Variants in CACNA2D1 observed in about 807,000 individuals in gnomAD.
The protein encoded by CACNA2D1 is voltage-dependent calcium channel subunit alpha-2/delta-1.
A neutral mutation model predicts 171.5 loss-of-function variants in CACNA2D1; 53 were observed. That is an observed-to-expected ratio of 0.31 (90% CI 0.25 to 0.39). The LOEUF (loss-of-function observed/expected upper bound fraction) is 0.39, where lower values mean the gene tolerates loss of function less well. CACNA2D1 is among the 10% of genes least tolerant of loss of function. The probability of loss-of-function intolerance (pLI) is 1.00; values close to 1 mark genes in which losing one functional copy is unlikely to be tolerated. For missense variants in CACNA2D1, 903 were observed against 1,299.8 expected, an observed-to-expected ratio of 0.69 and a Z score of 4.69; for synonymous variants, 442 against 443.1, an observed-to-expected ratio of 1.00 and a Z score of 0.03.
At chr7:82,042,175 G>T (rs759627234) in intron 10 of CACNA2D1, among the ~76,000 whole-genome samples, 11 of 152,196 alleles carry the variant, frequency 7.2e-5, no homozygotes, top group Admixed American at 2.0e-4. Context: ...ACTCTCCTAG[G>T]AAAGTGATGA....
At chr7:82,170,474 T>G in intron 4 of CACNA2D1, 76 bp downstream of exon 4, 1 of 978,050 alleles carries the variant, frequency 1.0e-6, no homozygotes, top group Non-Finnish European at 1.7e-6. Flanking sequence ...CATTAAAATA[T>G]ATTTTAATAT....
intron 5 of CACNA2D1, among the ~76,000 whole-genome samples, chr7:82,133,065 C>G (rs565779314): frequency 2.0e-5 from 3 of 152,246 alleles, no homozygotes; most frequent in East Asian, 1.9e-4. Context: ...ATAAAGCATT[C>G]TACAAGTAGA....
chr7:82,242,247 G>C (rs1369837542), intron 3 of CACNA2D1, among the ~76,000 whole-genome samples: 1 of 151,470 alleles, frequency 6.6e-6, no homozygotes, highest in African/African-American at 2.4e-5. Context: ...CAGTATAAGG[G>C]AGTGTACAAT....
In CACNA2D1 at chr7:81,959,281, A is replaced by G. The variant is rs754897974; in HGVS notation, c.3153T>C (p.Asn1051=). 1.3e-6 allele frequency: 2 copies of G among 1,599,494 alleles called. No individual in the cohort carries two copies. Among genetic ancestry groups the G allele is most frequent in the Admixed American group, 3.3e-5 (2 of 59,876 alleles). ...RKGPDVCFDN[N]VLEDYTDCGG... ...AGTAGAAGTGTGATCTTACCAAGAC[A>G]TTGTTATCAAAGCAGACATCAGGCC... The change falls in exon 38 of 39, where the codon AAT becomes AAC. Residue 1051 remains asparagine (N), a synonymous_variant. Coordinates refer to ENST00000356860, the MANE Select transcript of CACNA2D1 (RefSeq NM_000722.4).
intron 3 of CACNA2D1, among the ~76,000 whole-genome samples, chr7:82,219,780 T>A (rs564011816): frequency 1.3e-5 from 2 of 152,254 alleles, no homozygotes; most frequent in South Asian, 4.1e-4. Context: ...TCTAAGCACA[T>A]TTCTCATCTA....
Position 82,150,316 on chromosome 7 carries a change from CTT to C in CACNA2D1, c.355-13642_355-13641del, listed in dbSNP as rs1554432590. 3.8e-3 allele frequency among the ~76,000 whole-genome samples: 492 copies of C among 128,486 alleles called. 6 individuals carry two copies. Among genetic ancestry groups the C allele is most frequent in the African/African-American group, 0.013 (473 of 35,176 alleles). 84.3% of individuals were successfully genotyped at this position (128,486 alleles called of 152,430 possible). On this transcript the variant is annotated intron_variant, in intron 4 of 38. Coordinates refer to ENST00000356860, the MANE Select transcript of CACNA2D1 (RefSeq NM_000722.4). ...ACACCCTAGTAGCTGGGTTCATCTACTTTTTTTTTCCCCCCAGTAAGCCATTA... is the reference window on the plus strand; with the variant it reads ...ACACCCTAGTAGCTGGGTTCATCTACTTTTTTTCCCCCCAGTAAGCCATTA...
intron 24 of CACNA2D1, among the ~76,000 whole-genome samples, chr7:81,980,457 C>T (rs972322497): frequency 2.0e-5 from 3 of 152,136 alleles, no homozygotes; most frequent in Middle Eastern, 3.4e-3. Context: ...TTTGATGGTC[C>T]ATAGTTTAGA....
intron 4 of CACNA2D1, among the ~76,000 whole-genome samples, chr7:82,143,465 A>C (rs755725384): frequency 6.6e-6 from 1 of 152,136 alleles, no homozygotes; most frequent in Admixed American, 6.6e-5. Flanking sequence ...TTATAATTTT[A>C]TTTTCTTAGA....
chr7:82,039,119 G>C (rs964861957), intron 10 of CACNA2D1, among the ~76,000 whole-genome samples: 1 of 151,718 alleles, frequency 6.6e-6, no homozygotes, highest in Admixed American at 6.6e-5. Flanking sequence ...TGCAGAATGG[G>C]AATAATAAAA....
chr7:82,298,652 T>C (rs1170690023), intron 3 of CACNA2D1, among the ~76,000 whole-genome samples: 1 of 152,092 alleles, frequency 6.6e-6, no homozygotes, highest in East Asian at 1.9e-4. Flanking sequence ...ACAGGCACAC[T>C]TCAGCCTCTA....
chr7:82,287,028 T>C (rs1810876743), intron 3 of CACNA2D1, among the ~76,000 whole-genome samples: 1 of 152,210 alleles, frequency 6.6e-6, no homozygotes. Flanking sequence ...CTCTTCTCAA[T>C]CATCAGCTGA....
chr7:82,339,089 C>A (rs1477065629), intron 2 of CACNA2D1, among the ~76,000 whole-genome samples: 1 of 152,100 alleles, frequency 6.6e-6, no homozygotes, highest in Non-Finnish European at 1.5e-5. Context: ...AAGTTTCTCC[C>A]TGCGCCCAGG....
At chr7:82,373,265 GT>G (rs978368130) in intron 1 of CACNA2D1, among the ~76,000 whole-genome samples, 6 of 152,144 alleles carry the variant, frequency 3.9e-5, no homozygotes, top group African/African-American at 1.4e-4. Context: ...CTCATTTAGT[GT>G]TGGAAAGAAT....
Position 82,099,616 on chromosome 7 carries a change from A to AT in CACNA2D1, c.527-14717dup, listed in dbSNP as rs1161276838. 3.7e-5 allele frequency among the ~76,000 whole-genome samples: 4 copies of AT among 107,058 alleles called. 2 individuals are homozygous for AT. Among genetic ancestry groups the AT allele is most frequent in the African/African-American group, 6.4e-5 (2 of 31,130 alleles). The allele number at this position is 107,058 out of a possible 152,430, so 70.2% of individuals were successfully genotyped here. ...AGGCGCCCGCCACTACGCCCGGCTA[A>AT]TTTTTTGTATTTTTAGTAGAGACAG... On this transcript the variant is annotated intron_variant, in intron 6 of 38. Transcript: ENST00000356860.
intron 6 of CACNA2D1, among the ~76,000 whole-genome samples, chr7:82,109,090 G>A (rs1001457570): frequency 8.6e-5 from 13 of 151,852 alleles, no homozygotes; most frequent in African/African-American, 3.1e-4. Context: ...AAGAAAAAAG[G>A]AAAAGCTACT....
chr7:82,319,672 T>A (rs1034406253), intron 3 of CACNA2D1, among the ~76,000 whole-genome samples: 1 of 152,094 alleles, frequency 6.6e-6, no homozygotes, highest in African/African-American at 2.4e-5. Flanking sequence ...AGAAAATGAG[T>A]CATTATTATT....
intron 31 of CACNA2D1, among the ~76,000 whole-genome samples, chr7:81,966,375 T>C (rs544449228): frequency 4.7e-4 from 72 of 151,746 alleles, no homozygotes; most frequent in African/African-American, 1.7e-3. Context: ...AGCAGTTTAT[T>C]ACTAAAATAT....
At chr7:82,218,170 G>A (rs1348664003) in intron 3 of CACNA2D1, among the ~76,000 whole-genome samples, 2 of 151,970 alleles carry the variant, frequency 1.3e-5, no homozygotes, top group Non-Finnish European at 2.9e-5. Context: ...TCCTGACCTC[G>A]TGATCCACCC....
chr7:82,416,459 G>A (rs1828179904), intron 1 of CACNA2D1, among the ~76,000 whole-genome samples: 1 of 152,028 alleles, frequency 6.6e-6, no homozygotes, highest in South Asian at 2.1e-4. Context: ...TTGTCTCAGG[G>A]TTCAGGACAC....
Sources: allele counts gnomAD v4.1 joint callset (sites outside exome capture counted in the v4.1 genomes callset), GRCh38; gene constraint gnomAD v4.1.1; transcripts MANE v1.5; gene names NCBI Gene and HGNC (gene_info 2026-07-23, HGNC 2026-07-21).